Variants in BPNT1 observed in about 807,000 individuals in gnomAD.
BPNT1 encodes the protein 3'(2'), 5'-bisphosphate nucleotidase 1, also known as 3'(2'),5'-bisphosphate nucleotidase 1.
BPNT1 carries 28 observed loss-of-function variants against 36.9 expected under a neutral mutation model. The ratio of observed to expected loss-of-function variants is 0.76; its 90% CI spans 0.56 to 1.04. The LOEUF (loss-of-function observed/expected upper bound fraction) is 1.04. BPNT1 is among the 50% of genes least tolerant of loss of function. The pLI is 0.00. For synonymous variants in BPNT1, 119 were observed against 130.9 expected (o/e 0.91, Z 0.62); for missense variants, 313 against 372.9 (o/e 0.84, Z 1.32).
intron 2 of BPNT1, among the ~76,000 whole-genome samples, chr1:220,075,507 T>C (rs966852607): frequency 3.3e-5 from 5 of 152,212 alleles, no homozygotes. Flanking sequence ...GAACTGTGCC[T>C]AGCACACAGT....
At chr1:220,071,001 G>A (rs975531236) in intron 4 of BPNT1, among the ~76,000 whole-genome samples, 7 of 151,336 alleles carry the variant, frequency 4.6e-5, no homozygotes, top group Admixed American at 2.0e-4. Flanking sequence ...GCTGGGCGTG[G>A]TGGCACATGC....
chr1:220,060,454 C>T (rs1662919585), intron 7 of BPNT1, among the ~76,000 whole-genome samples: 4 of 151,800 alleles, frequency 2.6e-5, no homozygotes, highest in South Asian at 4.2e-4. Context: ...CCAGCCTGGG[C>T]GACAGAGCGA....
At chr1:220,075,720 A>G (rs959302679) in intron 2 of BPNT1, among the ~76,000 whole-genome samples, 12 of 152,312 alleles carry the variant, frequency 7.9e-5, no homozygotes, top group African/African-American at 2.9e-4. Flanking sequence ...AGTTCCAGAC[A>G]TCATCATTGG....
intron 2 of BPNT1, 94 bp downstream of exon 2, chr1:220,079,633 T>C: frequency 6.7e-7 from 1 of 1,488,764 alleles, no homozygotes; most frequent in Non-Finnish European, 9.2e-7. Context: ...TCAATTATTT[T>C]AACTGATAAA....
At chr1:220,076,170 C>G (rs920373496) in intron 2 of BPNT1, among the ~76,000 whole-genome samples, 3 of 152,012 alleles carry the variant, frequency 2.0e-5, no homozygotes, top group Non-Finnish European at 4.4e-5. Context: ...AGTTCGAGAC[C>G]AGCCTGACCA....
At chr1:220,063,846 T>G (rs1175006784) in intron 6 of BPNT1, among the ~76,000 whole-genome samples, 2 of 152,166 alleles carry the variant, frequency 1.3e-5, no homozygotes, top group African/African-American at 4.8e-5. Flanking sequence ...ATCTATATTT[T>G]CCTTTGCAGA....
At chr1:220,083,970 A>G (rs1655465157) in intron 1 of BPNT1, among the ~76,000 whole-genome samples, 1 of 152,114 alleles carries the variant, frequency 6.6e-6, no homozygotes, top group Non-Finnish European at 1.5e-5. Context: ...TTTTCTTGGC[A>G]TACTAGGAGT....
Position 220,059,776 on chromosome 1 carries a change from C to G in BPNT1, c.688G>C (p.Glu230Gln), listed in dbSNP as rs571117694. 6 of 1,601,606 alleles carry G rather than the reference C, an allele frequency of 3.7e-6. No homozygotes were observed. The East Asian group carries it at 9.0e-5, about 24-fold the overall frequency. ...GAGNKIIQLIEGKASAYVFAS... is the reference protein window; with the variant it reads ...GAGNKIIQLIQGKASAYVFAS... ...AATACATAAGCAGAGGCTTTGCCTT[C>G]AATCAGCTGAATAATCTGTAAGGGT... The change falls in exon 8 of 9, where the codon GAA becomes CAA. Residue 230 changes from glutamate to glutamine, a missense_variant. Physicochemically the swap from Glu to Gln is conservative, Grantham distance 29. Transcript: ENST00000322067.
At chr1:220,079,460 G>T (rs946040078) in intron 2 of BPNT1, among the ~76,000 whole-genome samples, 5 of 151,900 alleles carry the variant, frequency 3.3e-5, no homozygotes, top group Non-Finnish European at 5.9e-5. Context: ...CACCATGTTG[G>T]CCAGGCTGGT....
At chr1:220,066,609 A>AT (rs1663552975) in intron 6 of BPNT1, among the ~76,000 whole-genome samples, 1 of 152,192 alleles carries the variant, frequency 6.6e-6, no homozygotes, top group South Asian at 2.1e-4. Flanking sequence ...TATCTCAACA[A>AT]TTTCCTATAC....
chr1:220,058,693 A>C lies in BPNT1; in HGVS notation c.*151T>G, dbSNP rs1255158061. On this transcript the variant is annotated 3_prime_UTR_variant, in exon 9 of 9. Coordinates refer to ENST00000322067, the MANE Select transcript of BPNT1 (RefSeq NM_006085.6). Reference sequence around the variant, plus strand: ...ATGACAGGCGCATGACAGGATGCCCAGTTAATTTGTATTTTTGTAGAGATG... The same window carrying C: ...ATGACAGGCGCATGACAGGATGCCCCGTTAATTTGTATTTTTGTAGAGATG... 2 of 822,148 alleles carry C rather than the reference A, an allele frequency of 2.4e-6. No individual in the cohort carries two copies. The highest frequency in any genetic ancestry group is 3.6e-6 in the Non-Finnish European group (2 of 548,160). 50.9% of individuals were successfully genotyped at this position (822,148 alleles called of 1,614,324 possible). A position where few individuals can be genotyped will look rare whatever the true frequency, so the allele number is the denominator to read the frequency against.
At chr1:220,088,097 GA>G (rs1655911253) in intron 1 of BPNT1, among the ~76,000 whole-genome samples, 1 of 151,850 alleles carries the variant, frequency 6.6e-6, no homozygotes, top group African/African-American at 2.4e-5. Flanking sequence ...GGCTGGTCTC[GA>G]ACTTCCGACC....
Position 220,083,097 on chromosome 1 carries a change from C to A in BPNT1, c.-8-3243G>T, listed in dbSNP as rs143097746. ...ACTAAAAATACAAAAATTAGCCGGG[C>A]GTGGTGGCATGCACCTGTAATCCCA... is the stretch of plus-strand genomic sequence containing the variant. On this transcript the variant is annotated intron_variant, in intron 1 of 8. Transcript: ENST00000322067. 4.7e-3 allele frequency among the ~76,000 whole-genome samples: 715 copies of A among 151,216 alleles called. 6 individuals are homozygous for A. The highest frequency in any genetic ancestry group is 0.016 in the African/African-American group (679 of 41,292).
chr1:220,086,203 G>A (rs1655703683), intron 1 of BPNT1, among the ~76,000 whole-genome samples: 1 of 152,126 alleles, frequency 6.6e-6, no homozygotes, highest in Admixed American at 6.5e-5. Context: ...ACACACTAAA[G>A]GTAGTGTTTC....
At chr1:220,062,479 T>A (rs946541008) in intron 7 of BPNT1, among the ~76,000 whole-genome samples, 1 of 152,124 alleles carries the variant, frequency 6.6e-6, no homozygotes, top group Non-Finnish European at 1.5e-5. Context: ...GAACTCATCA[T>A]TTTTTATGGC....
chr1:220,079,892 A>C, intron 1 of BPNT1, 38 bp from the exon 2 acceptor site: 2 of 1,590,624 alleles, frequency 1.3e-6, no homozygotes, highest in Non-Finnish European at 1.7e-6. Flanking sequence ...GTTAGTTTCA[A>C]AGCCAACTAC....
chr1:220,073,089 C>T lies in BPNT1; in HGVS notation c.226-132G>A, dbSNP rs1344017272. ...TCTGGTTTACCATTTATATTTAGAG[C>T]TTTTAAAGCAAACCTTAAAAATTTG... On this transcript the variant is annotated intron_variant, in intron 3 of 8. Transcript: ENST00000322067. 6.2e-6 allele frequency: 5 copies of T among 808,550 alleles called. No homozygotes were observed. In the Admixed American group the frequency reaches 8.1e-5, roughly 13 times the overall value. 50.1% of individuals were successfully genotyped at this position (808,550 alleles called of 1,614,324 possible).
At chr1:220,075,110 C>G (rs2102708176) in intron 2 of BPNT1, among the ~76,000 whole-genome samples, 1 of 152,320 alleles carries the variant, frequency 6.6e-6, no homozygotes, top group South Asian at 2.1e-4. Flanking sequence ...GTGGCGCGAT[C>G]TCAGCTCACT....
In BPNT1 at chr1:220,057,674, G is replaced by A. The variant is rs1453670838; in HGVS notation, c.*1170C>T. Reference sequence around the variant, plus strand: ...CAAGAATAAACTAATCCCCAAAGTCGAGAATGTATAATTTTCAAACACTTT... The same window carrying A: ...CAAGAATAAACTAATCCCCAAAGTCAAGAATGTATAATTTTCAAACACTTT... On this transcript the variant is annotated 3_prime_UTR_variant, in exon 9 of 9. Transcript: ENST00000322067. 4 of 391,112 alleles carry A rather than the reference G, an allele frequency of 1.0e-5. No individual in the cohort carries two copies. Among genetic ancestry groups the A allele is most frequent in the East Asian group, 7.5e-5 (1 of 13,406 alleles). The allele number at this position is 391,112 out of a possible 1,614,324, so 24.2% of individuals were successfully genotyped here.
Sources: gnomAD v4.1 joint callset for allele counts (sites outside exome capture counted in the v4.1 genomes callset) on GRCh38, gnomAD v4.1.1 for gene constraint, MANE v1.5 for transcripts, NCBI Gene and HGNC (gene_info 2026-07-23, HGNC 2026-07-21) for gene names.